Variants in TTC39B observed in about 807,000 individuals in gnomAD.
The protein encoded by TTC39B is tetratricopeptide repeat domain 39B.
TTC39B carries 92 observed loss-of-function variants against 96.6 expected under a neutral mutation model. That is an observed-to-expected ratio of 0.95 (90% CI 0.80 to 1.13). The LOEUF (loss-of-function observed/expected upper bound fraction) is 1.13. TTC39B is among the 50% of genes most tolerant of loss of function. TTC39B has a pLI of 0.00. For synonymous variants in TTC39B, 367 were observed against 299.4 expected, an observed-to-expected ratio of 1.23 and a Z score of -2.33; for missense variants, 955 against 809.3, an observed-to-expected ratio of 1.18 and a Z score of -2.18.
At chr9:15,262,974 T>C (rs982897910) in intron 2 of TTC39B, among the ~76,000 whole-genome samples, 2 of 152,212 alleles carry the variant, frequency 1.3e-5, no homozygotes, top group South Asian at 4.1e-4. Context: ...GTGAGAAATA[T>C]TGACAAACCC....
chr9:15,187,801 A>C (rs540065294), intron 14 of TTC39B, among the ~76,000 whole-genome samples, 170 bp downstream of exon 14: 1 of 152,250 alleles, frequency 6.6e-6, no homozygotes, highest in Non-Finnish European at 1.5e-5. Context: ...TGCAATGCTG[A>C]GGACAGTACC....
At chr9:15,269,529 G>A (rs2131554014) in intron 1 of TTC39B, among the ~76,000 whole-genome samples, 1 of 152,284 alleles carries the variant, frequency 6.6e-6, no homozygotes, top group South Asian at 2.1e-4. Context: ...ATTCTGCGGT[G>A]AGGCAGAAAA....
intron 2 of TTC39B, among the ~76,000 whole-genome samples, chr9:15,237,749 A>G (rs898766764): frequency 5.3e-5 from 8 of 152,042 alleles, no homozygotes; most frequent in Non-Finnish European, 1.0e-4. Context: ...TAGTGAAACT[A>G]TTACAAAAAA....
chr9:15,210,717 G>T (rs968546040), intron 5 of TTC39B, among the ~76,000 whole-genome samples: 2 of 152,046 alleles, frequency 1.3e-5, no homozygotes. Flanking sequence ...ATTCCTAAAT[G>T]TCCACAAACC....
At chr9:15,298,500 A>C (rs1285716069) in intron 1 of TTC39B, among the ~76,000 whole-genome samples, 1 of 152,224 alleles carries the variant, frequency 6.6e-6, no homozygotes, top group Non-Finnish European at 1.5e-5. Flanking sequence ...GGCACATCTT[A>C]CATGGCAGCA....
chr9:15,262,958 G>A (rs1026666912), intron 2 of TTC39B, among the ~76,000 whole-genome samples: 1 of 152,160 alleles, frequency 6.6e-6, no homozygotes, highest in African/African-American at 2.4e-5. Flanking sequence ...CAATTTAAGA[G>A]GAAATGTGAG....
rs562686280 is a variant in TTC39B, at chr9:15,181,121, T to C, written c.1723+1186A>G. On this transcript the variant is annotated intron_variant, in intron 17 of 19. Transcript: ENST00000512701. The stretch of plus-strand genomic sequence containing the variant: ...CCCCTCGAATTTTGCCCCCAACCAA[T>C]GGGGGGCTGGGGGTGGTGAAGAGCT... 2.2e-3 allele frequency among the ~76,000 whole-genome samples: 330 copies of C among 152,170 alleles called. 1 individual carries two copies. Among genetic ancestry groups the C allele is most frequent in the African/African-American group, 7.4e-3 (308 of 41,534 alleles).
chr9:15,250,123 C>T lies in TTC39B; in HGVS notation c.275+17791G>A, dbSNP rs544843259. On this transcript the variant is annotated intron_variant, in intron 2 of 19. Transcript: ENST00000512701. ...TCTCAGGCACAAGCAAAGTAGTTGC[C>T]GAGGCAGCTGACAGCATCCCAGGGC... 16 of 1,239,370 alleles carry T rather than the reference C, an allele frequency of 1.3e-5. No homozygotes were observed. The African/African-American group carries it at 1.4e-4, about 11-fold the overall frequency. The allele number at this position is 1,239,370 out of a possible 1,614,324, so 76.8% of individuals were successfully genotyped here.
rs1489583398 is a variant in TTC39B at position 15,203,813 on chromosome 9, T to C, written c.759+10A>G. 21 of 1,608,400 alleles carry C rather than the reference T, an allele frequency of 1.3e-5. No individual in the cohort carries two copies. The highest frequency in any genetic ancestry group is 1.6e-5 in the Non-Finnish European group (19 of 1,176,972). On this transcript the variant is annotated intron_variant, in intron 7 of 19. Coordinates refer to ENST00000512701, the Ensembl canonical transcript of TTC39B. ...CAGCCAATACGAATTCCAAGCCAAA[T>C]ATTCATTACCTGCACAAACGTGAGT...
intron 2 of TTC39B, among the ~76,000 whole-genome samples, chr9:15,233,577 C>A (rs1021624327): frequency 1.3e-5 from 2 of 151,496 alleles, no homozygotes; most frequent in African/African-American, 4.8e-5. Context: ...GGGCTGGTCT[C>A]CAGCTCCTAA....
At chr9:15,196,269 T>C (rs1418561569) in intron 8 of TTC39B, among the ~76,000 whole-genome samples, 2 of 152,242 alleles carry the variant, frequency 1.3e-5, no homozygotes, top group African/African-American at 4.8e-5. Flanking sequence ...AATTTTGACC[T>C]TCAAGTCTTA....
At chr9:15,208,738 T>C (rs1820019671) in intron 6 of TTC39B, among the ~76,000 whole-genome samples, 1 of 152,168 alleles carries the variant, frequency 6.6e-6, no homozygotes, top group Admixed American at 6.5e-5. Flanking sequence ...TTGACCATGG[T>C]TTTGGGGTCA....
intron 3 of TTC39B, among the ~76,000 whole-genome samples, chr9:15,215,341 T>C (rs974167555): frequency 1.3e-5 from 2 of 151,992 alleles, no homozygotes; most frequent in East Asian, 3.9e-4. Flanking sequence ...GTGAATCACT[T>C]GAGGTCAGGA....
intron 2 of TTC39B, among the ~76,000 whole-genome samples, chr9:15,236,484 T>G (rs372167315): frequency 7.9e-5 from 12 of 152,166 alleles, no homozygotes; most frequent in African/African-American, 2.9e-4. Context: ...TAAAAGACAT[T>G]TATAGAACAT....
intron 2 of TTC39B, among the ~76,000 whole-genome samples, chr9:15,235,152 G>C (rs1821719096): frequency 6.6e-6 from 1 of 151,982 alleles, no homozygotes; most frequent in Non-Finnish European, 1.5e-5. Flanking sequence ...ACTGGACCAG[G>C]CAGAAGAAAG....
At chr9:15,288,343 T>C (rs537706436) in intron 1 of TTC39B, among the ~76,000 whole-genome samples, 1 of 152,222 alleles carries the variant, frequency 6.6e-6, no homozygotes, top group African/African-American at 2.4e-5. Flanking sequence ...TCCCCTATCC[T>C]GTACCCATAT....
Position 15,241,582 on chromosome 9 carries a change from G to T in TTC39B, c.276-15570C>A, listed in dbSNP as rs142874999. ...AACTGAATAAAAACAGGATAAAAGA[G>T]ATGTGACTTAAAAACATTGTAAAAA... is the stretch of plus-strand genomic sequence containing the variant. On this transcript the variant is annotated intron_variant, in intron 2 of 19. Transcript: ENST00000512701. Among the ~76,000 whole-genome samples the T allele has an allele frequency of 4.1e-4, 62 of 152,092 alleles. 1 individual carries two copies. In the East Asian group the frequency reaches 0.012, roughly 28 times the overall value.
intron 2 of TTC39B, among the ~76,000 whole-genome samples, chr9:15,228,369 C>T (rs1250244104): frequency 2.6e-5 from 4 of 152,174 alleles, no homozygotes; most frequent in Admixed American, 2.0e-4. Flanking sequence ...GAGGCTGAGA[C>T]AGGAGAATTG....
intron 17 of TTC39B, among the ~76,000 whole-genome samples, chr9:15,181,640 G>A (rs532998333): frequency 3.3e-5 from 5 of 152,250 alleles, no homozygotes; most frequent in South Asian, 4.1e-4. Context: ...AATAAATCGT[G>A]ATAACATTTC....
Sources: allele counts gnomAD v4.1 joint callset (sites outside exome capture counted in the v4.1 genomes callset), GRCh38; gene constraint gnomAD v4.1.1; transcripts MANE v1.5; gene names NCBI Gene and HGNC (gene_info 2026-07-23, HGNC 2026-07-21).